The following IL1RAPL1 variants were observed in gnomAD, a reference collection of about 807,000 sequenced individuals.
IL1RAPL1 encodes interleukin-1 receptor accessory protein-like 1.
In IL1RAPL1, 3 loss-of-function variants were observed where a neutral mutation model predicts 48.4. The ratio of observed to expected loss-of-function variants is 0.06; its 90% CI spans 0.03 to 0.16. The LOEUF is 0.16. IL1RAPL1 is among the 10% of genes least tolerant of loss of function. The pLI, the probability that IL1RAPL1 is intolerant of heterozygous loss-of-function variation, is 1.00. For synonymous variants in IL1RAPL1, 185 were observed against 187.7 expected (o/e 0.99, Z 0.12); for missense variants, 349 against 530.6 (o/e 0.66, Z 3.36).
At chrX:29,790,568 G>T (rs979612629) in intron 6 of IL1RAPL1, among the ~76,000 whole-genome samples, 12 of 111,922 alleles carry the variant, frequency 1.1e-4, no homozygotes, top group African/African-American at 3.9e-4. Context: ...AGTTACATAT[G>T]TCCATTATAT....
At chrX:29,451,711 G>A (rs1457329459) in intron 5 of IL1RAPL1, among the ~76,000 whole-genome samples, 1 of 111,084 alleles carries the variant, frequency 9.0e-6, no homozygotes, top group Non-Finnish European at 1.9e-5. Flanking sequence ...TAGACAACCT[G>A]GAATACATAA....
intron 2 of IL1RAPL1, among the ~76,000 whole-genome samples, chrX:29,079,667 A>G (rs1024100322): frequency 9.2e-6 from 1 of 109,200 alleles, no homozygotes; most frequent in African/African-American, 3.3e-5. Flanking sequence ...GGACAAGCAG[A>G]GGAGGGGAAG....
chrX:29,315,404 C>T (rs1194643527), intron 3 of IL1RAPL1, among the ~76,000 whole-genome samples: 1 of 111,589 alleles, frequency 9.0e-6, no homozygotes, highest in Non-Finnish European at 1.9e-5. Context: ...TATTTTTATA[C>T]ACCAGAAAAA....
intron 2 of IL1RAPL1, among the ~76,000 whole-genome samples, chrX:29,233,273 G>A (rs919665710): frequency 4.5e-5 from 5 of 110,402 alleles, no homozygotes; most frequent in East Asian, 2.9e-4. Context: ...TTCCCCCAGC[G>A]CTACATCTTT....
At chrX:28,864,435 A>C (rs1922028683) in intron 2 of IL1RAPL1, among the ~76,000 whole-genome samples, 1 of 112,352 alleles carries the variant, frequency 8.9e-6, no homozygotes, top group African/African-American at 3.2e-5. Flanking sequence ...GAGTTTTTAA[A>C]ACTTGGATAT....
chrX:28,947,253 C>T (rs1308734073), intron 2 of IL1RAPL1, among the ~76,000 whole-genome samples: 1 of 111,395 alleles, frequency 9.0e-6, no homozygotes, highest in African/African-American at 3.3e-5. Flanking sequence ...AGCACACACA[C>T]ATATATGTGT....
At chrX:28,971,876 TTG>T (rs3066657) in intron 2 of IL1RAPL1, among the ~76,000 whole-genome samples, 1,631 of 84,350 alleles carry the variant, frequency 0.019, 12 homozygotes, top group Non-Finnish European at 0.025. Context: ...ACTCTGAAAA[TTG>T]TGTGTGTGTG....
At chrX:29,550,994 A>G (rs1921797854) in intron 5 of IL1RAPL1, among the ~76,000 whole-genome samples, 1 of 112,128 alleles carries the variant, frequency 8.9e-6, no homozygotes, top group Non-Finnish European at 1.9e-5. Flanking sequence ...GCCCCAGGCA[A>G]CAACCATTCT....
At chrX:29,077,899 T>TG (rs1284395171) in intron 2 of IL1RAPL1, among the ~76,000 whole-genome samples, 4 of 111,514 alleles carry the variant, frequency 3.6e-5, no homozygotes, top group African/African-American at 9.8e-5. Flanking sequence ...GACTGATCCA[T>TG]GGGATTGTCT....
intron 5 of IL1RAPL1, among the ~76,000 whole-genome samples, chrX:29,471,668 T>C (rs1036877165): frequency 6.3e-5 from 7 of 111,652 alleles, no homozygotes; most frequent in African/African-American, 2.3e-4. Context: ...AGTCCCAAGA[T>C]TCTATTTTCT....
At chrX:28,618,354 C>G (rs922623604) in intron 1 of IL1RAPL1, among the ~76,000 whole-genome samples, 1 of 112,262 alleles carries the variant, frequency 8.9e-6, no homozygotes, top group African/African-American at 3.2e-5. Context: ...CTGCTTTTAT[C>G]TTAGAAGAAT....
intron 2 of IL1RAPL1, among the ~76,000 whole-genome samples, chrX:28,859,320 G>T (rs1183122015): frequency 1.8e-5 from 2 of 112,142 alleles, no homozygotes; most frequent in Admixed American, 9.4e-5. Context: ...GTGCAGTGGC[G>T]CAATCTTGGC....
At chrX:28,980,644 GAGTTTGCAGTT>G (rs1925306880) in intron 2 of IL1RAPL1, among the ~76,000 whole-genome samples, 1 of 111,450 alleles carries the variant, frequency 9.0e-6, no homozygotes, top group African/African-American at 3.3e-5. Flanking sequence ...TGTCAAGAGG[GAGTTTGCAGTT>G]AGGTTGAGGA....
chrX:29,655,510 A>G (rs758705676), intron 5 of IL1RAPL1, among the ~76,000 whole-genome samples: 3 of 110,316 alleles, frequency 2.7e-5, no homozygotes, highest in East Asian at 5.7e-4. Flanking sequence ...TAAAAATGCA[A>G]AAGTTATCCA....
At chrX:28,653,594 A>AAATGGAC (rs1934713604) in intron 1 of IL1RAPL1, among the ~76,000 whole-genome samples, 1 of 112,119 alleles carries the variant, frequency 8.9e-6, no homozygotes, top group South Asian at 3.7e-4. Flanking sequence ...TAGTATATAA[A>AAATGGAC]AATGGACGTG....
At chrX:28,948,086 C>T (rs1424340764) in intron 2 of IL1RAPL1, among the ~76,000 whole-genome samples, 4 of 111,185 alleles carry the variant, frequency 3.6e-5, no homozygotes, top group Non-Finnish European at 7.6e-5. Flanking sequence ...GACTGTTCTA[C>T]AGAAGAAATA....
intron 2 of IL1RAPL1, among the ~76,000 whole-genome samples, chrX:28,821,282 TTGTC>T (rs1460008871): frequency 9.0e-6 from 1 of 111,038 alleles, no homozygotes; most frequent in Non-Finnish European, 1.9e-5. Context: ...TGTGGGGTGT[TTGTC>T]TGAACATTAT....
chrX:29,149,100 A>T (rs765718457), intron 2 of IL1RAPL1, among the ~76,000 whole-genome samples: 1 of 110,739 alleles, frequency 9.0e-6, no homozygotes, highest in African/African-American at 3.3e-5. Context: ...TATTTTGTAG[A>T]CTCCCTACAA....
chrX:29,123,347 G>C, intron 2 of IL1RAPL1, among the ~76,000 whole-genome samples: 1 of 111,793 alleles, frequency 8.9e-6, no homozygotes, highest in Non-Finnish European at 1.9e-5. Flanking sequence ...TTATGTTCAG[G>C]TAACATGAAT....
Sources: gnomAD v4.1 joint callset for allele counts (sites outside exome capture counted in the v4.1 genomes callset) on GRCh38, gnomAD v4.1.1 for gene constraint, MANE v1.5 for transcripts, NCBI Gene and HGNC (gene_info 2026-07-23, HGNC 2026-07-21) for gene names.